Variants in TMEM117 observed in about 807,000 individuals in gnomAD.
TMEM117 encodes transmembrane protein 117.
A neutral mutation model predicts 52.4 loss-of-function variants in TMEM117; 27 were observed. The ratio of observed to expected loss-of-function variants is 0.51; its 90% CI spans 0.38 to 0.71. The LOEUF (loss-of-function observed/expected upper bound fraction) is 0.71, where lower values mean the gene tolerates loss of function less well. Ranked by LOEUF, TMEM117 falls within the 30% of genes least tolerant of loss-of-function variation. The pLI is 0.00. For synonymous variants in TMEM117, 215 were observed against 206.3 expected (o/e 1.04, Z -0.36); for missense variants, 556 against 630.5 (o/e 0.88, Z 1.26).
chr12:44,358,483 T>C (rs1377834398), intron 6 of TMEM117, among the ~76,000 whole-genome samples: 1 of 152,124 alleles, frequency 6.6e-6, no homozygotes, highest in African/African-American at 2.4e-5. Flanking sequence ...AAATGACCTC[T>C]AATTCTACTC....
At position 44,030,973 on chromosome 12, in the gene TMEM117, A is replaced by G. The variant is rs192149380; in HGVS notation, c.410+86631A>G. 3.1e-3 allele frequency among the ~76,000 whole-genome samples: 479 copies of G among 152,330 alleles called. 2 individuals are homozygous for G. The highest frequency in any genetic ancestry group is 7.8e-3 in the Admixed American group (120 of 15,296). On this transcript the variant is annotated intron_variant, in intron 3 of 7. Transcript: ENST00000266534. ...AAACCTGCTTATAATCTGCTCTTTA[A>G]CAAAACTTATAAAGGGTTATAAAAG...
At chr12:44,024,425 A>C (rs559867997) in intron 3 of TMEM117, among the ~76,000 whole-genome samples, 63 of 152,200 alleles carry the variant, frequency 4.1e-4, no homozygotes, top group Non-Finnish European at 7.9e-4. Context: ...AGTGGTACAG[A>C]GAGCATGGAT....
intron 6 of TMEM117, among the ~76,000 whole-genome samples, chr12:44,339,802 A>C (rs1951392931): frequency 6.6e-6 from 1 of 151,800 alleles, no homozygotes; most frequent in South Asian, 2.1e-4. Context: ...AATATTATCA[A>C]TACTTTTAAT....
At chr12:43,838,033 A>C (rs992564570) in intron 1 of TMEM117, among the ~76,000 whole-genome samples, 2 of 152,208 alleles carry the variant, frequency 1.3e-5, no homozygotes, top group African/African-American at 4.8e-5. Flanking sequence ...GATTGACTTA[A>C]AAGGTTGCTT....
chr12:44,244,602 C>G (rs1950106081), intron 5 of TMEM117, among the ~76,000 whole-genome samples: 1 of 151,748 alleles, frequency 6.6e-6, no homozygotes, highest in South Asian at 2.1e-4. Context: ...GACATTAACC[C>G]CTTATCAAAT....
Position 43,971,263 on chromosome 12 carries a change from T to C in TMEM117, c.410+26921T>C, listed in dbSNP as rs139806527. Among the ~76,000 whole-genome samples the C allele has an allele frequency of 2.2e-3, 340 of 152,320 alleles. 6 individuals carry two copies. The East Asian group carries it at 0.057, about 25-fold the overall frequency. ...CAATTGCCCTTCCTAGTTCAATATGTTCATGTGGTGGTAATTCCTCTAAAA... is the reference window on the plus strand; with the variant it reads ...CAATTGCCCTTCCTAGTTCAATATGCTCATGTGGTGGTAATTCCTCTAAAA... On this transcript the variant is annotated intron_variant, in intron 3 of 7. Transcript: ENST00000266534.
intron 3 of TMEM117, among the ~76,000 whole-genome samples, chr12:44,122,320 A>T (rs1948250483): frequency 6.6e-6 from 1 of 152,136 alleles, no homozygotes; most frequent in South Asian, 2.1e-4. Flanking sequence ...TTGGGATTAC[A>T]GTCATGAGCC....
At chr12:43,834,669 G>A (rs565452067), upstream of TMEM117, among the ~76,000 whole-genome samples, 1 of 152,284 alleles carries the variant, frequency 6.6e-6, no homozygotes, top group Admixed American at 6.5e-5. Context: ...CAGAAGACAA[G>A]CTGCTGAATG....
At position 43,844,784 on chromosome 12, in the gene TMEM117, A is replaced by G. The variant is rs766739847; in HGVS notation, c.133A>G (p.Ile45Val). 6.8e-6 allele frequency: 11 copies of G among 1,614,062 alleles called. No individual in the cohort carries two copies. The highest frequency in any genetic ancestry group is 9.3e-6 in the Non-Finnish European group (11 of 1,179,974). ...VSHSQTEANVIVVGNCFSFVT... is the reference protein window; with the variant it reads ...VSHSQTEANVVVVGNCFSFVT... ...TCATAGCCAAACAGAAGCCAATGTT[A>G]TTGTTGTTGGAAACTGTTTTTCATT... The change falls in exon 2 of 8, where the codon ATT (isoleucine) becomes GTT (valine). Residue 45 changes from isoleucine (I) to valine (V), a missense_variant. Transcript: ENST00000266534.
chr12:44,142,180 G>C (rs1948580297), intron 3 of TMEM117, among the ~76,000 whole-genome samples: 1 of 152,100 alleles, frequency 6.6e-6, no homozygotes, highest in Non-Finnish European at 1.5e-5. Flanking sequence ...CAGTGTGAGA[G>C]TTGATGTATA....
At chr12:44,072,665 G>C (rs1947319964) in intron 3 of TMEM117, among the ~76,000 whole-genome samples, 1 of 152,192 alleles carries the variant, frequency 6.6e-6, no homozygotes, top group African/African-American at 2.4e-5. Flanking sequence ...AATACAGCTT[G>C]AATATAACAA....
At chr12:43,871,669 T>C (rs751781987) in intron 2 of TMEM117, among the ~76,000 whole-genome samples, 1 of 152,214 alleles carries the variant, frequency 6.6e-6, no homozygotes, top group Admixed American at 6.5e-5. Context: ...TTTTGCAATA[T>C]TTGAGAATTG....
At chr12:43,893,318 A>G (rs758413788) in intron 2 of TMEM117, among the ~76,000 whole-genome samples, 6 of 152,194 alleles carry the variant, frequency 3.9e-5, no homozygotes, top group Non-Finnish European at 7.3e-5. Flanking sequence ...AAGTCTTAAG[A>G]CATCATGGAG....
intron 5 of TMEM117, among the ~76,000 whole-genome samples, chr12:44,272,760 C>T (rs1098578): frequency 6.6e-6 from 1 of 152,092 alleles, no homozygotes; most frequent in Non-Finnish European, 1.5e-5. Context: ...GGAACACTTT[C>T]ACACTGTTAG....
intron 5 of TMEM117, among the ~76,000 whole-genome samples, chr12:44,271,651 A>G (rs955724035): frequency 5.9e-5 from 9 of 152,226 alleles, no homozygotes; most frequent in East Asian, 1.9e-4. Context: ...TAAAACTACT[A>G]GAAGAAAACA....
chr12:44,016,411 A>G (rs908931164), intron 3 of TMEM117, among the ~76,000 whole-genome samples: 2 of 152,220 alleles, frequency 1.3e-5, no homozygotes, highest in African/African-American at 4.8e-5. Flanking sequence ...CTATGGCCAC[A>G]GCAGAGTCTC....
chr12:44,021,789 C>T (rs1565795447), intron 3 of TMEM117, among the ~76,000 whole-genome samples: 1 of 152,140 alleles, frequency 6.6e-6, no homozygotes. Context: ...CCCTGGAGAT[C>T]CCTTGCCCTA....
At chr12:43,797,591 A>G in the TMEM117 span, 1 of 1,440,316 alleles carries the variant, frequency 6.9e-7, no homozygotes, top group Non-Finnish European at 9.3e-7. Context: ...CATTTACAAA[A>G]TGAATTTTAG....
At chr12:44,202,123 G>A (rs1949503722) in intron 4 of TMEM117, among the ~76,000 whole-genome samples, 1 of 151,830 alleles carries the variant, frequency 6.6e-6, no homozygotes, top group Non-Finnish European at 1.5e-5. Context: ...GTAGTGAAGG[G>A]GAAGAAGACA....
Sources: allele counts gnomAD v4.1 joint callset (sites outside exome capture counted in the v4.1 genomes callset), GRCh38; gene constraint gnomAD v4.1.1; transcripts MANE v1.5; gene names NCBI Gene and HGNC (gene_info 2026-07-23, HGNC 2026-07-21).